MSRA: variants seen among roughly 807,000 people sequenced by gnomAD.
The protein encoded by MSRA is methionine sulfoxide reductase A, also known as mitochondrial peptide methionine sulfoxide reductase.
Under a neutral mutation model 31.3 loss-of-function variants are expected in MSRA, and 54 were observed. The observed-to-expected ratio is 1.73, with a 90% CI of 1.39 to 2.17. The LOEUF (loss-of-function observed/expected upper bound fraction) is 2.17. Ranked by LOEUF, MSRA falls within the 30% of genes most tolerant of loss-of-function variation. The pLI is 0.00. For synonymous variants in MSRA, 169 were observed against 116.5 expected (o/e 1.45, Z -2.90); for missense variants, 507 against 300.9 (o/e 1.69, Z -5.07).
intron 5 of MSRA, among the ~76,000 whole-genome samples, chr8:10,352,642 C>G (rs1040367910): frequency 6.6e-6 from 1 of 152,142 alleles, no homozygotes; most frequent in Non-Finnish European, 1.5e-5. Flanking sequence ...CCTGAAAATA[C>G]TCAAATATTT....
chr8:10,418,259 TG>T (rs1281818245), intron 5 of MSRA, among the ~76,000 whole-genome samples: 1 of 152,206 alleles, frequency 6.6e-6, no homozygotes, highest in African/African-American at 2.4e-5. Flanking sequence ...TGCAGTCTGA[TG>T]AGGTTTGAAC....
intron 5 of MSRA, among the ~76,000 whole-genome samples, chr8:10,389,853 C>T (rs1806627510): frequency 6.8e-6 from 1 of 146,748 alleles, no homozygotes; most frequent in Non-Finnish European, 1.5e-5. Flanking sequence ...TGTATACAAC[C>T]ACACACTGTT....
chr8:10,153,699 T>A (rs1006142819), intron 1 of MSRA, among the ~76,000 whole-genome samples: 2 of 152,188 alleles, frequency 1.3e-5, no homozygotes, highest in Non-Finnish European at 2.9e-5. Context: ...GTACGCTGGC[T>A]GCTCTTCCAT....
At chr8:10,376,009 C>T (rs539796786) in intron 5 of MSRA, among the ~76,000 whole-genome samples, 4 of 152,254 alleles carry the variant, frequency 2.6e-5, no homozygotes, top group Admixed American at 2.0e-4. Context: ...TTCCCCTCCC[C>T]GGTCAGGTTC....
chr8:10,134,790 T>C (rs973095495), intron 1 of MSRA, among the ~76,000 whole-genome samples: 1 of 152,242 alleles, frequency 6.6e-6, no homozygotes. Context: ...TTGAAGTATA[T>C]CTTTAAGTCT....
intron 2 of MSRA, among the ~76,000 whole-genome samples, chr8:10,214,570 C>G (rs1457165631): frequency 1.3e-5 from 2 of 148,580 alleles, no homozygotes; most frequent in African/African-American, 4.9e-5. Flanking sequence ...TGACTGAAAA[C>G]TACTGAAGCC....
intron 1 of MSRA, among the ~76,000 whole-genome samples, chr8:10,151,035 A>C (rs1413246717): frequency 2.0e-5 from 3 of 151,698 alleles, no homozygotes; most frequent in Non-Finnish European, 4.4e-5. Flanking sequence ...GGTGGGGATG[A>C]GGCATGGTGA....
chr8:10,327,253 C>T (rs982501620), intron 5 of MSRA, among the ~76,000 whole-genome samples: 19 of 152,162 alleles, frequency 1.2e-4, no homozygotes, highest in African/African-American at 4.1e-4. Context: ...TTTGTCCACC[C>T]TTCCATCCAT....
At chr8:10,297,431 G>A (rs996315012) in intron 3 of MSRA, among the ~76,000 whole-genome samples, 4 of 152,214 alleles carry the variant, frequency 2.6e-5, no homozygotes, top group Admixed American at 6.5e-5. Context: ...TGCTATGTGC[G>A]CGATGTTATG....
intron 5 of MSRA, among the ~76,000 whole-genome samples, chr8:10,325,072 A>G (rs956443138): frequency 4.6e-5 from 7 of 152,178 alleles, no homozygotes; most frequent in Admixed American, 4.6e-4. Flanking sequence ...CAAGAGGCAG[A>G]TGGGGCCACA....
intron 1 of MSRA, among the ~76,000 whole-genome samples, chr8:10,194,775 C>G (rs1479873479): frequency 6.6e-6 from 1 of 152,190 alleles, no homozygotes; most frequent in Non-Finnish European, 1.5e-5. Flanking sequence ...CTGATCAGAG[C>G]TCAGGGGCTG....
rs150796237 is a variant in MSRA, at chr8:10,380,007, A to G, written c.544-48141A>G. ...TACAATGAGCTAGAGAGAATACCCA[A>G]CCTAATCACAATCAACAACAGAAAG... On this transcript the variant is annotated intron_variant, in intron 5 of 5. Coordinates refer to ENST00000317173, the MANE Select transcript of MSRA (RefSeq NM_012331.5). Among the ~76,000 whole-genome samples the G allele has an allele frequency of 3.1e-3, 474 of 152,308 alleles. 3 individuals carry two copies. Among genetic ancestry groups the G allele is most frequent in the African/African-American group, 0.011 (446 of 41,570 alleles).
intron 1 of MSRA, among the ~76,000 whole-genome samples, chr8:10,119,809 C>G (rs1286232811): frequency 6.6e-6 from 1 of 152,058 alleles, no homozygotes; most frequent in Non-Finnish European, 1.5e-5. Flanking sequence ...CTACCTTGGT[C>G]AGGGTCCTGG....
intron 5 of MSRA, among the ~76,000 whole-genome samples, chr8:10,361,516 T>A (rs929441675): frequency 2.0e-5 from 3 of 152,210 alleles, no homozygotes; most frequent in African/African-American, 7.2e-5. Context: ...TCATACGTCC[T>A]GGGTTTTAGG....
chr8:10,266,769 C>T (rs979455277), intron 3 of MSRA, among the ~76,000 whole-genome samples: 4 of 152,082 alleles, frequency 2.6e-5, no homozygotes, highest in Non-Finnish European at 4.4e-5. Flanking sequence ...TCATTTGACA[C>T]GTGTGTAATA....
At chr8:10,184,635 C>G (rs1289215082) in intron 1 of MSRA, among the ~76,000 whole-genome samples, 1 of 152,146 alleles carries the variant, frequency 6.6e-6, no homozygotes. Context: ...GATGCCTTGT[C>G]TGATGCATTC....
At chr8:10,294,184 G>C (rs552581357) in intron 3 of MSRA, among the ~76,000 whole-genome samples, 2 of 152,184 alleles carry the variant, frequency 1.3e-5, no homozygotes, top group Non-Finnish European at 2.9e-5. Flanking sequence ...CTGGGCAAGA[G>C]AGTGAGACTC....
intron 1 of MSRA, among the ~76,000 whole-genome samples, chr8:10,097,005 G>C (rs951768691): frequency 2.6e-5 from 4 of 152,164 alleles, no homozygotes; most frequent in Non-Finnish European, 4.4e-5. Context: ...CCCTGGATCT[G>C]TGCTTTTGTT....
At chr8:10,393,215 T>C (rs1806875841) in intron 5 of MSRA, among the ~76,000 whole-genome samples, 1 of 152,176 alleles carries the variant, frequency 6.6e-6, no homozygotes, top group African/African-American at 2.4e-5. Context: ...CTATTCAGTG[T>C]AAGAAGAAGA....
Sources: allele counts gnomAD v4.1 joint callset (sites outside exome capture counted in the v4.1 genomes callset), GRCh38; gene constraint gnomAD v4.1.1; transcripts MANE v1.5; gene names NCBI Gene and HGNC (gene_info 2026-07-23, HGNC 2026-07-21).